The following GRID1 variants were observed in gnomAD, a reference collection of about 807,000 sequenced individuals.
GRID1 encodes the protein glutamate ionotropic receptor delta type subunit 1, also known as glutamate receptor ionotropic, delta-1.
A neutral mutation model predicts 98.0 loss-of-function variants in GRID1; 28 were observed. The ratio of observed to expected loss-of-function variants is 0.29; its 90% confidence interval spans 0.21 to 0.39. GRID1 has a LOEUF of 0.39. GRID1 is among the 10% of genes least tolerant of loss of function. The probability of loss-of-function intolerance (pLI) is 1.00; values close to 1 mark genes in which losing one functional copy is unlikely to be tolerated. For synonymous variants in GRID1, 553 were observed against 538.5 expected (o/e 1.03, Z -0.37); for missense variants, 1,111 against 1,340.5 (o/e 0.83, Z 2.67).
chr10:86,113,668 G>T (rs1407457546), intron 4 of GRID1, among the ~76,000 whole-genome samples: 1 of 152,202 alleles, frequency 6.6e-6, no homozygotes, highest in East Asian at 1.9e-4. Flanking sequence ...CCCACACCCT[G>T]CAGAGCTTCA....
At chr10:85,724,828 A>G in intron 10 of GRID1, 152 bp from the exon 11 acceptor site, 1 of 599,836 alleles carries the variant, frequency 1.7e-6, no homozygotes. Context: ...TATTATAAGG[A>G]AAATCCAACA....
intron 2 of GRID1, among the ~76,000 whole-genome samples, chr10:86,347,659 G>C (rs1247881595): frequency 6.6e-6 from 1 of 152,226 alleles, no homozygotes; most frequent in Non-Finnish European, 1.5e-5. Context: ...CGGAGGCAGA[G>C]TCCTGTGGAT....
chr10:85,929,994 T>C (rs76421686), intron 4 of GRID1, among the ~76,000 whole-genome samples: 2,564 of 152,322 alleles, frequency 0.017, 69 homozygotes, highest in African/African-American at 0.058. Flanking sequence ...GTAAATTAAA[T>C]CAAATGTATT....
At position 86,366,287 on chromosome 10, in the gene GRID1, C is replaced by T; in HGVS notation, c.79+27G>A. The T allele has an allele frequency of 6.8e-7, 1 of 1,470,074 alleles. No homozygotes were observed. Among genetic ancestry groups the T allele is most frequent in the Non-Finnish European group, 9.1e-7 (1 of 1,103,018 alleles). The allele number at this position is 1,470,074 out of a possible 1,614,324, so 91.1% of individuals were successfully genotyped here. A position where few individuals can be genotyped will look rare whatever the true frequency, so the allele number is the denominator to read the frequency against. On this transcript the variant is annotated intron_variant, in intron 1 of 15. Transcript: ENST00000327946. This position sits in a 1 kb window ranked among gnomAD's most constrained non-coding sequence, Gnocchi z 4.1. ...TGCCCCGTTGGGGCCCCCGCCCAGCCTCGGCCCGGCCTCCAGCCGCGCTTA... is the reference window on the plus strand; with the variant it reads ...TGCCCCGTTGGGGCCCCCGCCCAGCTTCGGCCCGGCCTCCAGCCGCGCTTA...
intron 8 of GRID1, among the ~76,000 whole-genome samples, chr10:85,806,193 G>C (rs968619241): frequency 3.3e-5 from 5 of 151,998 alleles, no homozygotes; most frequent in African/African-American, 7.2e-5. Context: ...CACATTAAGA[G>C]TTACCAACAA....
chr10:86,342,786 G>C (rs999563318), intron 2 of GRID1, among the ~76,000 whole-genome samples: 9 of 152,252 alleles, frequency 5.9e-5, no homozygotes, highest in Admixed American at 3.9e-4. Flanking sequence ...GGCAAACCCT[G>C]TGCGCTGTGA....
chr10:85,867,198 C>G (rs1458423376), intron 6 of GRID1, among the ~76,000 whole-genome samples: 1 of 152,204 alleles, frequency 6.6e-6, no homozygotes. Context: ...TCACAGGCCT[C>G]AACAAGAAGC....
At chr10:85,683,824 C>A (rs1431226545) in intron 12 of GRID1, among the ~76,000 whole-genome samples, 1 of 152,160 alleles carries the variant, frequency 6.6e-6, no homozygotes. Context: ...CAGTCTTCAA[C>A]ACACTCTTAC....
rs144831550 is a variant in GRID1 at position 86,231,460 on chromosome 10, C to G, written c.236-24812G>C. On this transcript the variant is annotated intron_variant, in intron 2 of 15. Transcript: ENST00000327946. ...CACAGGTAACCCTATTCCAGACCCCCTAAGTGAACCCTTGTGCCCTGAGCC... is the reference window on the plus strand; with the variant it reads ...CACAGGTAACCCTATTCCAGACCCCGTAAGTGAACCCTTGTGCCCTGAGCC... Among the ~76,000 whole-genome samples, 839 of 152,260 alleles carry G rather than the reference C, an allele frequency of 5.5e-3. 2 individuals carry two copies. The highest frequency in any genetic ancestry group is 0.019 in the African/African-American group (795 of 41,558).
At chr10:86,099,163 T>C (rs1461137868) in intron 4 of GRID1, among the ~76,000 whole-genome samples, 2 of 152,194 alleles carry the variant, frequency 1.3e-5, no homozygotes, top group Non-Finnish European at 2.9e-5. Flanking sequence ...GGGGACAAGG[T>C]AGCACAGTGG....
chr10:85,683,349 T>C (rs1841232327), intron 12 of GRID1, among the ~76,000 whole-genome samples: 1 of 152,186 alleles, frequency 6.6e-6, no homozygotes, highest in Admixed American at 6.5e-5. Flanking sequence ...CCAAAACAAT[T>C]GACGAGATCT....
At chr10:85,751,118 G>C (rs1224946409) in intron 8 of GRID1, among the ~76,000 whole-genome samples, 1 of 152,148 alleles carries the variant, frequency 6.6e-6, no homozygotes, top group Non-Finnish European at 1.5e-5. Context: ...TTACATTCTT[G>C]CAATCTCAGG....
intron 8 of GRID1, among the ~76,000 whole-genome samples, chr10:85,809,882 G>C (rs1331362310): frequency 6.6e-6 from 1 of 152,152 alleles, no homozygotes; most frequent in Admixed American, 6.5e-5. Context: ...TAGCCCCCCT[G>C]TAGTCTTTAC....
chr10:86,153,431 T>G (rs1443573029), intron 3 of GRID1, among the ~76,000 whole-genome samples: 1 of 152,230 alleles, frequency 6.6e-6, no homozygotes, highest in Non-Finnish European at 1.5e-5. Context: ...CAAACAAAAT[T>G]GATAAATACA....
intron 2 of GRID1, among the ~76,000 whole-genome samples, chr10:86,211,416 C>A (rs1050772670): frequency 1.3e-5 from 2 of 152,336 alleles, no homozygotes; most frequent in South Asian, 2.1e-4. Context: ...CCAGCCCCCC[C>A]ACCTGCACCC....
chr10:86,308,266 C>A (rs752090087), intron 2 of GRID1, among the ~76,000 whole-genome samples: 3 of 152,216 alleles, frequency 2.0e-5, no homozygotes, highest in Non-Finnish European at 4.4e-5. Flanking sequence ...CTCTGAGTGG[C>A]CAGCTGGGTC....
At chr10:85,752,374 C>A (rs948851713) in intron 8 of GRID1, among the ~76,000 whole-genome samples, 1 of 152,076 alleles carries the variant, frequency 6.6e-6, no homozygotes, top group African/African-American at 2.4e-5. Flanking sequence ...CTGTACATGA[C>A]CCCTGTGAAA....
intron 8 of GRID1, among the ~76,000 whole-genome samples, chr10:85,769,628 G>C (rs1842235413): frequency 6.6e-6 from 1 of 152,180 alleles, no homozygotes; most frequent in South Asian, 2.1e-4. Context: ...CCCCAATACT[G>C]TGCTTTTCCA....
chr10:86,005,155 G>A lies in GRID1; in HGVS notation c.727-88916C>T, dbSNP rs181383079. 7.2e-5 allele frequency among the ~76,000 whole-genome samples: 11 copies of A among 152,260 alleles called. No individual in the cohort carries two copies. The East Asian group carries it at 2.1e-3, about 29-fold the overall frequency. On this transcript the variant is annotated intron_variant, in intron 4 of 15. Transcript: ENST00000327946. ...TGGACAGATGCCATGAATCCTGACA[G>A]CTGGTCGGTTTTGGTACTAGGATCA...
Sources: allele counts gnomAD v4.1 joint callset (sites outside exome capture counted in the v4.1 genomes callset), GRCh38; gene constraint gnomAD v4.1.1; non-coding constraint Gnocchi (gnomAD v3.1); transcripts MANE v1.5; gene names NCBI Gene and HGNC (gene_info 2026-07-23, HGNC 2026-07-21).